GTPBP3: variants seen among roughly 807,000 people sequenced by gnomAD.
The protein encoded by GTPBP3 is GTP binding protein 3, mitochondrial.
In GTPBP3, 35 loss-of-function variants were observed where a neutral mutation model predicts 42.0. The ratio of observed to expected loss-of-function variants is 0.83; its 90% CI spans 0.64 to 1.10. GTPBP3 has a LOEUF of 1.10. Ranked by LOEUF, GTPBP3 falls within the 50% of genes least tolerant of loss-of-function variation. GTPBP3 has a pLI of 0.00. For missense variants in GTPBP3, 691 were observed against 685.2 expected (o/e 1.01, Z -0.09); for synonymous variants, 332 against 314.9 (o/e 1.05, Z -0.58).
rs1057518138 is a variant in GTPBP3 at position 17,337,619 on chromosome 19, G to C, written c.8G>C (p.Arg3Pro). 4 of 1,324,954 alleles carry C rather than the reference G, an allele frequency of 3.0e-6. No homozygotes were observed. The highest frequency in any genetic ancestry group is 3.9e-6 in the Non-Finnish European group (4 of 1,031,850). The allele number at this position is 1,324,954 out of a possible 1,614,324, so 82.1% of individuals were successfully genotyped here. A position where few individuals can be genotyped will look rare whatever the true frequency, so the allele number is the denominator to read the frequency against. The change falls in exon 1 of 9, where the codon CGG becomes CCG. Residue 3 changes from arginine (R) to proline (P), a missense_variant. Transcript: ENST00000324894. The stretch of plus-strand genomic sequence containing the variant: ...GTCGCAGGTTGTAAATCCATGTGGC[G>C]GGGGCTTTGGACCCTGGCGGCCCAA... MW[R>P]GLWTLAAQAA...
intron 7 of GTPBP3, among the ~76,000 whole-genome samples, 153 bp downstream of exon 7, chr19:17,339,752 T>C (rs1327928553): frequency 4.7e-5 from 7 of 148,544 alleles, no homozygotes; most frequent in Non-Finnish European, 9.0e-5. Flanking sequence ...TTTTTTTTTT[T>C]TTTTTTTACT....
intron 7 of GTPBP3, 137 bp from the exon 8 acceptor site, chr19:17,340,906 TG>T: frequency 3.1e-6 from 2 of 655,528 alleles, no homozygotes; most frequent in East Asian, 5.8e-5. Flanking sequence ...GCCGGTCCCC[TG>T]GTACTCTACT....
At chr19:17,340,764 G>A (rs1411001859) in intron 7 of GTPBP3, among the ~76,000 whole-genome samples, 1 of 120,658 alleles carries the variant, frequency 8.3e-6, no homozygotes, top group East Asian at 2.4e-4. Flanking sequence ...ACTGCACTGT[G>A]CCCAGCCCCT....
In GTPBP3 at chr19:17,341,874, G is replaced by T. The variant is rs1404076063; in HGVS notation, c.*171G>T. On this transcript the variant is annotated 3_prime_UTR_variant, in exon 9 of 9. Coordinates refer to ENST00000324894, the MANE Select transcript of GTPBP3 (RefSeq NM_032620.4). The stretch of plus-strand genomic sequence containing the variant: ...GAGATCCCTGCAGGGACTCCCTGGA[G>T]ATTCAGGCCCTGGAATGGGGCTGAA... The T allele has an allele frequency of 3.6e-5, 20 of 555,196 alleles. No homozygotes were observed. The highest frequency in any genetic ancestry group is 3.9e-5 in the Non-Finnish European group (13 of 331,844). The allele number at this position is 555,196 out of a possible 1,614,324, so 34.4% of individuals were successfully genotyped here. A position where few individuals can be genotyped will look rare whatever the true frequency, so the allele number is the denominator to read the frequency against.
chr19:17,339,387 G>T (rs746587720), intron 6 of GTPBP3, 47 bp from the exon 7 acceptor site: 1 of 1,602,084 alleles, frequency 6.2e-7, no homozygotes, highest in Admixed American at 1.7e-5. Context: ...CCTGGGGGAG[G>T]AGCTCCCTTG....
intron 7 of GTPBP3, among the ~76,000 whole-genome samples, chr19:17,340,319 T>A (rs1313347668): frequency 6.6e-6 from 1 of 152,060 alleles, no homozygotes; most frequent in Non-Finnish European, 1.5e-5. Context: ...TTACAGGCGT[T>A]AGCCACTGTG....
At position 17,339,329 on chromosome 19, in the gene GTPBP3, TTGAG is replaced by T; in HGVS notation, c.808+65_808+68del. On this transcript the variant is annotated intron_variant, in intron 6 of 8. Transcript: ENST00000324894. ...AGGGGCGGGGCCAAGAGCTGGGTTATTGAGTTAGTTGTTCAGGTCTAAAGCTCCC... is the reference window on the plus strand; with the variant it reads ...AGGGGCGGGGCCAAGAGCTGGGTTATTTAGTTGTTCAGGTCTAAAGCTCCC... The T allele has an allele frequency of 1.9e-6, 3 of 1,579,682 alleles. No homozygotes were observed. In the Admixed American group the frequency reaches 5.2e-5, roughly 27 times the overall value.
chr19:17,339,012 G>A lies in GTPBP3; in HGVS notation c.650G>A (p.Gly217Glu). The A allele has an allele frequency of 6.2e-7, 1 of 1,614,028 alleles. No individual in the cohort carries two copies. The highest frequency in any genetic ancestry group is 8.5e-7 in the Non-Finnish European group (1 of 1,179,900). The change falls in exon 5 of 9, where the codon GGG (glycine) becomes GAG (glutamate). Residue 217 changes from glycine (G) to glutamate (E), a missense_variant. Transcript: ENST00000324894. Reference sequence around the variant, plus strand: ...GGCGAGGATGACAACCTGGAGGAGGGGGTCCTGGAGCAAGGTGGGTCTACC... The same window carrying A: ...GGCGAGGATGACAACCTGGAGGAGGAGGTCCTGGAGCAAGGTGGGTCTACC... ...DFGEDDNLEE[G>E]VLEQADIEVR... is the part of the protein sequence containing the mutation.
upstream of GTPBP3, chr19:17,337,480 T>A (rs2074377808): frequency 1.6e-6 from 2 of 1,255,702 alleles, no homozygotes; most frequent in Admixed American, 4.1e-5. Flanking sequence ...GCAGGACGTA[T>A]CCTAAGATAC....
rs1312771358 is a variant in GTPBP3 at position 17,341,964 on chromosome 19, G to C, written c.*261G>C. On this transcript the variant is annotated 3_prime_UTR_variant, in exon 9 of 9. Coordinates refer to ENST00000324894, the MANE Select transcript of GTPBP3 (RefSeq NM_032620.4). ...TTGGGATGGAGATAGGAGGATCTCAGTATATTTGTTTCGTAGTTTTTTATT... is the reference window on the plus strand; with the variant it reads ...TTGGGATGGAGATAGGAGGATCTCACTATATTTGTTTCGTAGTTTTTTATT... The C allele has an allele frequency of 2.8e-5, 11 of 390,272 alleles. No individual in the cohort carries two copies. Among genetic ancestry groups the C allele is most frequent in the Non-Finnish European group, 5.0e-5 (11 of 221,106 alleles). 24.2% of individuals were successfully genotyped at this position (390,272 alleles called of 1,614,324 possible).
Position 17,341,126 on chromosome 19 carries a change from G to A in GTPBP3, c.1057G>A (p.Val353Ile), listed in dbSNP as rs77401427. The A allele has an allele frequency of 4.4e-4, 704 of 1,613,762 alleles. 8 individuals carry two copies. In the East Asian group the frequency reaches 0.015, roughly 34 times the overall value. The change falls in exon 8 of 9, where the codon GTC becomes ATC. Residue 353 changes from valine to isoleucine, a missense_variant. By Grantham distance (29) the Val-to-Ile change is conservative. Coordinates refer to ENST00000324894, the MANE Select transcript of GTPBP3 (RefSeq NM_032620.4). ...SPSSCNFLAT[V>I]VASVGAQSPS... ...CTCCAGTTGCAACTTCCTGGCCACC[G>A]TCGTAGCCTCTGTGGGAGCCCAGAG...
At position 17,341,734 on chromosome 19, in the gene GTPBP3, G is replaced by C; in HGVS notation, c.*31G>C. 2 of 1,527,124 alleles carry C rather than the reference G, an allele frequency of 1.3e-6. No homozygotes were observed. Among genetic ancestry groups the C allele is most frequent in the South Asian group, 1.3e-5 (1 of 79,568 alleles). 94.6% of individuals were successfully genotyped at this position (1,527,124 alleles called of 1,614,324 possible). A position where few individuals can be genotyped will look rare whatever the true frequency, so the allele number is the denominator to read the frequency against. On this transcript the variant is annotated 3_prime_UTR_variant, in exon 9 of 9. Transcript: ENST00000324894. ...TCCAGGGAAGTCGCACCCAAGCTGCGTGGAGACCCAGGAGCCTCGGGGGAT... is the reference window on the plus strand; with the variant it reads ...TCCAGGGAAGTCGCACCCAAGCTGCCTGGAGACCCAGGAGCCTCGGGGGAT...
chr19:17,341,583 C>A lies in GTPBP3; in HGVS notation c.1359C>A (p.Asp453Glu). The change falls in exon 9 of 9, where the codon GAC becomes GAA. Residue 453 changes from aspartate (D) to glutamate (E), a missense_variant. Transcript: ENST00000324894. The stretch of plus-strand genomic sequence containing the variant: ...TCGGCCACTACAAGCAGTCAAAAGA[C>A]CTGGCCCTGGCGGCAGAGGCGCTGC... ...DALGHYKQSK[D>E]LALAAEALRV... 3.1e-6 allele frequency: 5 copies of A among 1,613,948 alleles called. No individual in the cohort carries two copies. In the South Asian group the frequency reaches 5.5e-5, roughly 18 times the overall value.
At chr19:17,337,266 C>T (rs147558269), upstream of GTPBP3, 72 of 251,316 alleles carry the variant, frequency 2.9e-4, no homozygotes, top group African/African-American at 1.4e-3. Context: ...AACCTCCCCT[C>T]GCTGTAATTT....
intron 1 of GTPBP3, 122 bp from the exon 2 acceptor site, chr19:17,337,886 G>C (rs1334016681): frequency 1.5e-6 from 2 of 1,356,934 alleles, no homozygotes; most frequent in Non-Finnish European, 2.0e-6. Flanking sequence ...CATCCAATTT[G>C]TGCATCCCCC....
chr19:17,337,903 A>T, intron 1 of GTPBP3, 105 bp from the exon 2 acceptor site: 5 of 1,364,780 alleles, frequency 3.7e-6, no homozygotes, highest in Non-Finnish European at 5.0e-6. Context: ...CCCCAGCCGC[A>T]GAACCCCCCC....
chr19:17,341,609 G>A lies in GTPBP3; in HGVS notation c.1385G>A (p.Arg462Gln), dbSNP rs753748448. ...CTGGCCCTGGCGGCAGAGGCGCTGC[G>A]GGTGGCCCGGGGTCACCTGACCCGG... The part of the protein sequence containing the change: ...KDLALAAEAL[R>Q]VARGHLTRLT... The change falls in exon 9 of 9, where the codon CGG (arginine) becomes CAG (glutamine). Residue 462 changes from arginine (R) to glutamine (Q), a missense_variant. Physicochemically the swap from Arg to Gln is conservative, Grantham distance 43 (BLOSUM62 1). Coordinates refer to ENST00000324894, the MANE Select transcript of GTPBP3 (RefSeq NM_032620.4). 3.1e-6 allele frequency: 5 copies of A among 1,613,702 alleles called. No homozygotes were observed. Among genetic ancestry groups the A allele is most frequent in the East Asian group, 2.2e-5 (1 of 44,898 alleles).
chr19:17,339,374 G>A (rs557942208), intron 6 of GTPBP3, 60 bp from the exon 7 acceptor site: 1 of 1,597,070 alleles, frequency 6.3e-7, no homozygotes, highest in Non-Finnish European at 8.5e-7. Context: ...ACATGGGGTA[G>A]AACCTGGGGG....
chr19:17,339,291 G>A (rs781522251), intron 6 of GTPBP3, 25 bp downstream of exon 6: 2 of 1,588,292 alleles, frequency 1.3e-6, no homozygotes, highest in South Asian at 2.3e-5. Flanking sequence ...GGAAGGGGGC[G>A]GGGCCTAGTG....
Sources: allele counts gnomAD v4.1 joint callset (sites outside exome capture counted in the v4.1 genomes callset), GRCh38; gene constraint gnomAD v4.1.1; transcripts MANE v1.5; gene names NCBI Gene and HGNC (gene_info 2026-07-23, HGNC 2026-07-21).